PITPNM2: variants seen among roughly 807,000 people sequenced by gnomAD.
PITPNM2 encodes the protein phosphatidylinositol transfer protein membrane associated 2, also known as membrane-associated phosphatidylinositol transfer protein 2.
In PITPNM2, 35 loss-of-function variants were observed where a neutral mutation model predicts 132.2. The observed-to-expected ratio is 0.26, with a 90% CI of 0.20 to 0.35. PITPNM2 has a LOEUF of 0.35. PITPNM2 is among the 10% of genes least tolerant of loss of function. The pLI is 1.00. For synonymous variants in PITPNM2, 738 were observed against 799.2 expected (o/e 0.92, Z 1.29); for missense variants, 1,332 against 1,912.0 (o/e 0.70, Z 5.66).
In PITPNM2 at chr12:123,150,653, C is replaced by T. The variant is rs2043720303; in HGVS notation, c.-200+100G>A. On this transcript the variant is annotated intron_variant, in intron 1 of 25. Transcript: ENST00000320201. The surrounding 1 kb of genome is among the most constrained non-coding windows in gnomAD (Gnocchi z 6.0). ...GCTCGGCGGGCGGGCGGGCCGGGGC[C>T]TCTCTGGGAGCCGCCGCCCAGATCC... Among the ~76,000 whole-genome samples, 1 of 150,848 alleles carries T rather than the reference C, an allele frequency of 6.6e-6. No individual in the cohort carries two copies. Among genetic ancestry groups the T allele is most frequent in the Admixed American group, 6.6e-5 (1 of 15,192 alleles).
chr12:123,145,282 C>T (rs1442400518), intron 1 of PITPNM2, among the ~76,000 whole-genome samples: 1 of 152,146 alleles, frequency 6.6e-6, no homozygotes, highest in Admixed American at 6.5e-5. Flanking sequence ...AGAGCTATTC[C>T]ACCCTACATT....
chr12:123,133,874 C>T (rs1316901524), intron 1 of PITPNM2, among the ~76,000 whole-genome samples: 1 of 151,988 alleles, frequency 6.6e-6, no homozygotes, highest in African/African-American at 2.4e-5. Flanking sequence ...CTCTATGTCC[C>T]CAGATCCATG....
At chr12:123,038,005 C>A (rs2040337480) in intron 2 of PITPNM2, among the ~76,000 whole-genome samples, 1 of 151,996 alleles carries the variant, frequency 6.6e-6, no homozygotes, top group Non-Finnish European at 1.5e-5. Context: ...AGAGAGGGAA[C>A]ACACACCTGG....
In PITPNM2 at chr12:123,111,996, C is replaced by T. The variant is rs941975509; in HGVS notation, c.-199-1508G>A. Among the ~76,000 whole-genome samples, 2 of 152,110 alleles carry T rather than the reference C, an allele frequency of 1.3e-5. No individual in the cohort carries two copies. Among genetic ancestry groups the T allele is most frequent in the Non-Finnish European group, 2.9e-5 (2 of 68,016 alleles). Reference sequence around the variant, plus strand: ...GCGAGCCAGATTTGGTAGACCAGCCCCGCTCCAGCCCACCACAATGCTTCT... The same window carrying T: ...GCGAGCCAGATTTGGTAGACCAGCCTCGCTCCAGCCCACCACAATGCTTCT... On this transcript the variant is annotated intron_variant, in intron 1 of 25. Coordinates refer to ENST00000320201, the MANE Select transcript of PITPNM2 (RefSeq NM_020845.3). This position sits in a 1 kb window ranked among gnomAD's most constrained non-coding sequence, Gnocchi z 4.1.
In PITPNM2 at chr12:123,004,436, C is replaced by T. The variant is rs748798586; in HGVS notation, c.1006G>A (p.Asp336Asn). 23 of 1,613,900 alleles carry T rather than the reference C, an allele frequency of 1.4e-5. No homozygotes were observed. The highest frequency in any genetic ancestry group is 8.5e-7 in the Non-Finnish European group (1 of 1,180,040). Reference protein sequence around the residue: ...SEWRMQSIARDSDESSDDEFF... With the variant: ...SEWRMQSIARNSDESSDDEFF... ...TCATCATCTGAGCTCTCATCCGAGT[C>T]CCTGGCAATACTCTGCATCCTCCAC... Residue 336 changes from aspartate (D) to asparagine (N), a missense_variant, in exon 8 of 26, where the codon GAC becomes AAC. Physicochemically the swap from Asp to Asn is conservative, Grantham distance 23. Coordinates refer to ENST00000320201, the MANE Select transcript of PITPNM2 (RefSeq NM_020845.3). The surrounding 1 kb of genome is among the most constrained non-coding windows in gnomAD (Gnocchi z 4.9).
intron 18 of PITPNM2, 24 bp from the exon 19 acceptor site, chr12:122,988,896 G>A (rs1205125819): frequency 1.9e-6 from 3 of 1,545,754 alleles, no homozygotes; most frequent in East Asian, 4.9e-5. Context: ...CCGTGACTGG[G>A]CTGGGGCTGT....
intron 18 of PITPNM2, among the ~76,000 whole-genome samples, 197 bp downstream of exon 18, chr12:122,989,590 C>A (rs1336326664): frequency 1.3e-5 from 2 of 152,168 alleles, no homozygotes; most frequent in African/African-American, 2.4e-5. Context: ...CACTCCAGCT[C>A]CGTGGGGTCC....
At position 122,996,711 on chromosome 12, in the gene PITPNM2, C is replaced by T. The variant is rs779247276; in HGVS notation, c.1662+10G>A. 28 of 1,610,762 alleles carry T rather than the reference C, an allele frequency of 1.7e-5. No individual in the cohort carries two copies. The highest frequency in any genetic ancestry group is 1.7e-4 in the Middle Eastern group (1 of 6,036). Reference sequence around the variant, plus strand: ...ATCCTCCTCCCCTCCCCAACTTCCCCGGGACTCACCTGCCCATTGAAGGTC... The same window carrying T: ...ATCCTCCTCCCCTCCCCAACTTCCCTGGGACTCACCTGCCCATTGAAGGTC... On this transcript the variant is annotated intron_variant, in intron 12 of 25. Coordinates refer to ENST00000320201, the MANE Select transcript of PITPNM2 (RefSeq NM_020845.3).
Position 122,996,881 on chromosome 12 carries a change from C to G in PITPNM2, c.1502G>C (p.Cys501Ser). The change falls in exon 12 of 26, where the codon TGT becomes TCT. Residue 501 changes from cysteine to serine, a missense_variant. By Grantham distance (112) the Cys-to-Ser change is moderately radical. This residue lies in a region of PITPNM2 where 710 missense variants were observed against 911.5 expected (regional missense o/e 0.78). Coordinates refer to ENST00000320201, the MANE Select transcript of PITPNM2 (RefSeq NM_020845.3). ...AATGTGGTCCTGACTGCTGGACAGA[C>G]AGCCTTCGTCATGGCTGTAGGGGCT... The part of the protein sequence containing the change: ...NLSPYSHDEG[C>S]LSSSQDHIPL... 6.3e-7 allele frequency: 1 copy of G among 1,584,114 alleles called. No individual in the cohort carries two copies. The highest frequency in any genetic ancestry group is 1.2e-5 in the South Asian group (1 of 86,508).
In PITPNM2 at chr12:122,992,017, G is replaced by GA. The variant is rs1215125060; in HGVS notation, c.2404+481dup. 5 of 966,260 alleles carry GA rather than the reference G, an allele frequency of 5.2e-6. No individual in the cohort carries two copies. The African/African-American group carries it at 8.4e-5, about 16-fold the overall frequency. The allele number at this position is 966,260 out of a possible 1,614,324, so 59.9% of individuals were successfully genotyped here. On this transcript the variant is annotated intron_variant, in intron 16 of 25. Coordinates refer to ENST00000320201, the MANE Select transcript of PITPNM2 (RefSeq NM_020845.3). The surrounding 1 kb of genome is among the most constrained non-coding windows in gnomAD (Gnocchi z 6.5). The stretch of plus-strand genomic sequence containing the variant: ...GGACCAGGACGTGACAAGACGCTGG[G>GA]ACACACGCTGGGGCAGGGGTCGGGC...
rs148508542 is a variant in PITPNM2 at position 122,997,422 on chromosome 12, C to A, written c.1375G>T (p.Val459Phe). ...GCGCTGGGGTAGTGCACGCGCATGACGGTGTCGAACACGTTGGCGATGGTG... is the reference window on the plus strand; with the variant it reads ...GCGCTGGGGTAGTGCACGCGCATGAAGGTGTCGAACACGTTGGCGATGGTG... ...ANTIANVFDT[V>F]MRVHYPSALG... Residue 459 changes from valine to phenylalanine, a missense_variant, in exon 11 of 26, where the codon GTC (valine) becomes TTC (phenylalanine). Transcript: ENST00000320201. The A allele has an allele frequency of 6.2e-7, 1 of 1,613,542 alleles. No individual in the cohort carries two copies. Among genetic ancestry groups the A allele is most frequent in the Non-Finnish European group, 8.5e-7 (1 of 1,180,010 alleles).
Position 123,012,701 on chromosome 12 carries a change from G to T in PITPNM2, c.327C>A (p.Ile109=), listed in dbSNP as rs1030197054. 1 of 1,614,138 alleles carries T rather than the reference G, an allele frequency of 6.2e-7. No homozygotes were observed. Among genetic ancestry groups the T allele is most frequent in the Non-Finnish European group, 8.5e-7 (1 of 1,179,988 alleles). ...CAGTTTTATAAAAGGTTTCAATGTC[G>T]ATGGAGAATTTCTCCACGAAAGGAC... ...FTCPFVEKFS[I]DIETFYKTDA... The change falls in exon 5 of 26, where the codon ATC becomes ATA. Residue 109 remains isoleucine, a synonymous_variant. Coordinates refer to ENST00000320201, the MANE Select transcript of PITPNM2 (RefSeq NM_020845.3).
rs980438935 is a variant in PITPNM2, at chr12:123,001,279, C to A, written c.1049-121G>T. 1.4e-5 allele frequency: 10 copies of A among 693,592 alleles called. No individual in the cohort carries two copies. The Admixed American group carries it at 1.5e-4, about 10-fold the overall frequency. The allele number at this position is 693,592 out of a possible 1,614,324, so 43.0% of individuals were successfully genotyped here. ...ACCGTTCCTCAACAGGACGGCCACACAGCCCCACACCTTGGGCATCTTCCT... is the reference window on the plus strand; with the variant it reads ...ACCGTTCCTCAACAGGACGGCCACAAAGCCCCACACCTTGGGCATCTTCCT... On this transcript the variant is annotated intron_variant, in intron 8 of 25. Transcript: ENST00000320201.
intron 1 of PITPNM2, among the ~76,000 whole-genome samples, chr12:123,138,103 T>C (rs2043421827): frequency 6.6e-6 from 1 of 152,062 alleles, no homozygotes; most frequent in African/African-American, 2.4e-5. Context: ...AATGGATGAA[T>C]GAAGAAAGAA....
chr12:123,039,521 G>A (rs1411872830), intron 2 of PITPNM2, among the ~76,000 whole-genome samples: 1 of 152,174 alleles, frequency 6.6e-6, no homozygotes, highest in Non-Finnish European at 1.5e-5. Context: ...CCATAGCATA[G>A]AAGTTGGTTC....
At chr12:123,076,415 T>C (rs754335190) in intron 2 of PITPNM2, among the ~76,000 whole-genome samples, 5 of 152,096 alleles carry the variant, frequency 3.3e-5, no homozygotes, top group Non-Finnish European at 5.9e-5. Flanking sequence ...TAAACATAGT[T>C]TAAAGATGCC....
At chr12:123,029,641 A>G (rs201985211) in intron 3 of PITPNM2, among the ~76,000 whole-genome samples, 1 of 151,168 alleles carries the variant, frequency 6.6e-6, no homozygotes, top group Admixed American at 6.6e-5. Context: ...CTTGTGGTGT[A>G]TGTGTGTGTG....
chr12:122,985,173 A>C lies in PITPNM2; in HGVS notation c.*854T>G, dbSNP rs563172382. ...TGGAGGGGCTGCTCTCAGTACTGAA[A>C]GAGTTAAGAAAAGGAAGCAGCCAAG... On this transcript the variant is annotated 3_prime_UTR_variant, in exon 26 of 26. Transcript: ENST00000320201. The C allele has an allele frequency of 2.0e-5, 3 of 152,618 alleles. No homozygotes were observed. In the South Asian group the frequency reaches 6.2e-4, roughly 32 times the overall value. The allele number at this position is 152,618 out of a possible 1,614,324, so 9.5% of individuals were successfully genotyped here.
chr12:122,986,951 A>G (rs1457182986), intron 23 of PITPNM2, 122 bp from the exon 24 acceptor site: 7 of 1,268,474 alleles, frequency 5.5e-6, no homozygotes, highest in Non-Finnish European at 6.4e-6. Context: ...TCAGACAGTA[A>G]CGACGACAAT....
Sources: allele counts gnomAD v4.1 joint callset (sites outside exome capture counted in the v4.1 genomes callset), GRCh38; gene constraint gnomAD v4.1.1; regional missense constraint gnomAD v4.1.1; non-coding constraint Gnocchi (gnomAD v3.1); transcripts MANE v1.5; gene names NCBI Gene and HGNC (gene_info 2026-07-23, HGNC 2026-07-21).